ADGRB3: variants seen among roughly 807,000 people sequenced by gnomAD.
ADGRB3 encodes the protein brain-specific angiogenesis inhibitor 3.
A neutral mutation model predicts 193.4 loss-of-function variants in ADGRB3; 37 were observed. That is an observed-to-expected ratio of 0.19 (90% CI 0.15 to 0.25). The LOEUF is 0.25. Among genes scored for constraint, ADGRB3 ranks in the 10% least tolerant of loss-of-function variants. ADGRB3 has a pLI of 1.00. For synonymous variants in ADGRB3, 690 were observed against 644.2 expected, an observed-to-expected ratio of 1.07 and a Z score of -1.08; for missense variants, 1,637 against 1,852.9, an observed-to-expected ratio of 0.88 and a Z score of 2.14.
intron 28 of ADGRB3, among the ~76,000 whole-genome samples, chr6:69,357,734 G>T (rs1769364951): frequency 6.6e-6 from 1 of 151,882 alleles, no homozygotes; most frequent in Admixed American, 6.6e-5. Flanking sequence ...AAAACAGTAA[G>T]GTAACTATCA....
rs371352527 is a variant in ADGRB3 at position 69,388,942 on chromosome 6, T to G, written c.*51T>G. 3 of 1,535,158 alleles carry G rather than the reference T, an allele frequency of 2.0e-6. No homozygotes were observed. The highest frequency in any genetic ancestry group is 2.6e-6 in the Non-Finnish European group (3 of 1,133,978). On this transcript the variant is annotated 3_prime_UTR_variant, in exon 32 of 32. Coordinates refer to ENST00000370598, the MANE Select transcript of ADGRB3 (RefSeq NM_001704.3). ...GACAAAACTTTATTGCACTGACACT[T>G]AAGACTTGGGAAGCCTGACATTTCT...
chr6:68,884,035 G>C (rs1437369759), intron 3 of ADGRB3, among the ~76,000 whole-genome samples: 2 of 152,168 alleles, frequency 1.3e-5, no homozygotes, highest in African/African-American at 4.8e-5. Context: ...GATTTGACTA[G>C]AATTCAGAGT....
chr6:69,115,064 A>T (rs1165197874), intron 17 of ADGRB3, among the ~76,000 whole-genome samples: 1 of 152,198 alleles, frequency 6.6e-6, no homozygotes, highest in East Asian at 1.9e-4. Context: ...AGAACCAGAA[A>T]TACCATTTGA....
intron 3 of ADGRB3, among the ~76,000 whole-genome samples, chr6:68,848,570 C>A (rs984840298): frequency 6.6e-6 from 1 of 152,028 alleles, no homozygotes; most frequent in African/African-American, 2.4e-5. Context: ...TTTAAAATAT[C>A]TCTTCTTTCT....
intron 13 of ADGRB3, among the ~76,000 whole-genome samples, chr6:69,047,035 A>G (rs1771257184): frequency 6.6e-6 from 1 of 151,958 alleles, no homozygotes; most frequent in Non-Finnish European, 1.5e-5. Context: ...AATTTTTTGT[A>G]TTTTTAGTAG....
intron 13 of ADGRB3, among the ~76,000 whole-genome samples, chr6:69,019,829 CAA>C (rs1180920537): frequency 6.6e-6 from 1 of 151,896 alleles, no homozygotes; most frequent in Non-Finnish European, 1.5e-5. Context: ...TAAAAAGAGA[CAA>C]AAGATGGTAT....
At chr6:68,949,881 A>T (rs1767869702) in intron 6 of ADGRB3, among the ~76,000 whole-genome samples, 1 of 151,696 alleles carries the variant, frequency 6.6e-6, no homozygotes, top group South Asian at 2.1e-4. Flanking sequence ...TCTCATTCAA[A>T]CTTTAACTTA....
intron 3 of ADGRB3, among the ~76,000 whole-genome samples, chr6:68,861,907 T>C (rs2150215046): frequency 6.6e-6 from 1 of 152,306 alleles, no homozygotes; most frequent in South Asian, 2.1e-4. Context: ...TGCAAAGTGC[T>C]TAGAACAGTG....
chr6:68,821,153 A>G (rs2127380206), intron 3 of ADGRB3, among the ~76,000 whole-genome samples: 1 of 152,158 alleles, frequency 6.6e-6, no homozygotes, highest in African/African-American at 2.4e-5. Flanking sequence ...GGACATAGAA[A>G]ATACTTTATA....
rs1051337365 is a variant in ADGRB3 at position 69,225,177 on chromosome 6, C to A, written c.2481-8113C>A. On this transcript the variant is annotated intron_variant, in intron 17 of 31. Coordinates refer to ENST00000370598, the MANE Select transcript of ADGRB3 (RefSeq NM_001704.3). ...TTTGTTGATAAACTCTTTGATATCA[C>A]AAGATTTCTTTTTTTAACTTCTAGC... 2.0e-5 allele frequency among the ~76,000 whole-genome samples: 3 copies of A among 152,104 alleles called. No individual in the cohort carries two copies. The South Asian group carries it at 6.2e-4, about 32-fold the overall frequency.
At chr6:68,830,698 T>C (rs568360) in intron 3 of ADGRB3, among the ~76,000 whole-genome samples, 1 of 151,778 alleles carries the variant, frequency 6.6e-6, no homozygotes, top group Non-Finnish European at 1.5e-5. Flanking sequence ...AAATTAGTAA[T>C]GAAAATATGG....
intron 29 of ADGRB3, 146 bp downstream of exon 29, chr6:69,361,658 A>G: frequency 1.0e-6 from 1 of 986,220 alleles, no homozygotes; most frequent in Non-Finnish European, 1.5e-6. Context: ...TTGTATCATG[A>G]AAATTTCTGG....
chr6:69,165,301 C>T (rs1354529386), intron 17 of ADGRB3, among the ~76,000 whole-genome samples: 1 of 152,012 alleles, frequency 6.6e-6, no homozygotes, highest in Non-Finnish European at 1.5e-5. Flanking sequence ...GGTGCAAGAA[C>T]CCTAAATTAA....
At chr6:68,942,275 C>T (rs764931456) in intron 5 of ADGRB3, among the ~76,000 whole-genome samples, 2 of 151,990 alleles carry the variant, frequency 1.3e-5, no homozygotes, top group African/African-American at 2.4e-5. Context: ...TATTTACTTG[C>T]GTATTTCATC....
At chr6:69,134,347 C>T (rs2150335372) in intron 17 of ADGRB3, among the ~76,000 whole-genome samples, 1 of 152,260 alleles carries the variant, frequency 6.6e-6, no homozygotes, top group South Asian at 2.1e-4. Flanking sequence ...ATTGTAACTT[C>T]CTGTATCTTT....
chr6:68,926,284 A>C (rs568661522), intron 3 of ADGRB3, among the ~76,000 whole-genome samples: 1 of 152,236 alleles, frequency 6.6e-6, no homozygotes, highest in African/African-American at 2.4e-5. Flanking sequence ...ACAATCTAAT[A>C]ATTATAATGA....
In ADGRB3 at chr6:68,949,864, A is replaced by AT. The variant is rs1278001763; in HGVS notation, c.1195+5877dup. Among the ~76,000 whole-genome samples the AT allele has an allele frequency of 5.9e-5, 9 of 151,822 alleles. 1 individual carries two copies. Among genetic ancestry groups the AT allele is most frequent in the African/African-American group, 1.9e-4 (8 of 41,386 alleles). ...GGCTTGCTTTCTTTTACCATTTAAT[A>AT]TTTTTTTCTCATTCAAACTTTAACT... On this transcript the variant is annotated intron_variant, in intron 6 of 31. Coordinates refer to ENST00000370598, the MANE Select transcript of ADGRB3 (RefSeq NM_001704.3).
chr6:69,180,744 G>A (rs923011860), intron 17 of ADGRB3, among the ~76,000 whole-genome samples: 10 of 152,084 alleles, frequency 6.6e-5, no homozygotes, highest in African/African-American at 2.4e-4. Context: ...ACCTACTGCT[G>A]AGCTGCTTTC....
intron 3 of ADGRB3, among the ~76,000 whole-genome samples, chr6:68,688,170 C>T (rs180735706): frequency 7.0e-4 from 107 of 152,160 alleles, no homozygotes; most frequent in African/African-American, 2.3e-3. Flanking sequence ...ACCTAAGAAA[C>T]ACAATGCCAA....
Sources: allele counts gnomAD v4.1 joint callset (sites outside exome capture counted in the v4.1 genomes callset), GRCh38; gene constraint gnomAD v4.1.1; transcripts MANE v1.5; gene names NCBI Gene and HGNC (gene_info 2026-07-23, HGNC 2026-07-21).